Variants in POU6F2 observed in about 807,000 individuals in gnomAD.
POU6F2 encodes the protein POU domain, class 6, transcription factor 2.
Under a neutral mutation model 71.3 loss-of-function variants are expected in POU6F2, and 31 were observed. That is an observed-to-expected ratio of 0.43 (90% CI 0.33 to 0.59). The LOEUF is 0.59. Among genes scored for constraint, POU6F2 ranks in the 20% least tolerant of loss-of-function variants. POU6F2 has a pLI of 0.04. For missense variants in POU6F2, 783 were observed against 856.8 expected (o/e 0.91, Z 1.07); for synonymous variants, 347 against 355.7 (o/e 0.98, Z 0.27).
intron 2 of POU6F2, among the ~76,000 whole-genome samples, chr7:39,099,890 G>A (rs550279027): frequency 6.6e-6 from 1 of 152,276 alleles, no homozygotes; most frequent in East Asian, 1.9e-4. Flanking sequence ...TTAATGATCA[G>A]CAGGGGCTCT....
intron 1 of POU6F2, among the ~76,000 whole-genome samples, chr7:38,992,726 G>T (rs1788636889): frequency 6.6e-6 from 1 of 152,084 alleles, no homozygotes; most frequent in Admixed American, 6.6e-5. Flanking sequence ...AAACAAATCT[G>T]AACTAACGCT....
At chr7:39,226,603 C>T (rs1794464613) in intron 4 of POU6F2, among the ~76,000 whole-genome samples, 1 of 152,116 alleles carries the variant, frequency 6.6e-6, no homozygotes. Flanking sequence ...CACTTTAAAC[C>T]ATTTTTTTGT....
chr7:39,327,752 C>CA (rs754680288), intron 4 of POU6F2, among the ~76,000 whole-genome samples: 6 of 151,274 alleles, frequency 4.0e-5, no homozygotes, highest in Non-Finnish European at 8.8e-5. Flanking sequence ...ATTTGTAAAA[C>CA]AGTCATGTCT....
chr7:39,211,641 A>G (rs936689353), intron 4 of POU6F2, among the ~76,000 whole-genome samples: 1 of 152,184 alleles, frequency 6.6e-6, no homozygotes, highest in African/African-American at 2.4e-5. Flanking sequence ...TTGTAAGAAG[A>G]TACACAGTTG....
At position 39,451,619 on chromosome 7, in the gene POU6F2, T is replaced by C; in HGVS notation, c.1407T>C (p.Ser469=). ...TGGCTCACAGCCAAGCATCCATGTC[T>C]CAAAGTCCCGTCCGGCAGGCTTCCT... ...LHLAHSQASM[S]QSPVRQASSS... Residue 469 remains serine (S), a synonymous_variant, in exon 8 of 10, where the codon TCT becomes TCC. Transcript: ENST00000518318. 1 of 1,613,716 alleles carries C rather than the reference T, an allele frequency of 6.2e-7. No homozygotes were observed. Among genetic ancestry groups the C allele is most frequent in the Non-Finnish European group, 8.5e-7 (1 of 1,179,798 alleles).
At chr7:39,111,193 G>A (rs1791805523) in intron 2 of POU6F2, among the ~76,000 whole-genome samples, 1 of 152,062 alleles carries the variant, frequency 6.6e-6, no homozygotes, top group African/African-American at 2.4e-5. Context: ...CTGCTACTTT[G>A]GTTCCAACAT....
intron 2 of POU6F2, among the ~76,000 whole-genome samples, chr7:39,189,473 A>G (rs1793615513): frequency 6.6e-6 from 1 of 152,150 alleles, no homozygotes; most frequent in Non-Finnish European, 1.5e-5. Context: ...ATCTCTGCTC[A>G]CTGCAACCTC....
At chr7:39,020,503 T>C (rs191864023) in intron 1 of POU6F2, among the ~76,000 whole-genome samples, 2 of 152,294 alleles carry the variant, frequency 1.3e-5, no homozygotes, top group Admixed American at 1.3e-4. Flanking sequence ...GAGATGGTCA[T>C]TGCATTGCAG....
chr7:39,150,225 C>CTCTGTG (rs1554325538), intron 2 of POU6F2, among the ~76,000 whole-genome samples: 4 of 141,244 alleles, frequency 2.8e-5, no homozygotes, highest in African/African-American at 1.1e-4. Context: ...AGTAATATGT[C>CTCTGTG]TGTGTGTGTG....
At chr7:39,187,914 G>A (rs547209345) in intron 2 of POU6F2, among the ~76,000 whole-genome samples, 12 of 152,270 alleles carry the variant, frequency 7.9e-5, no homozygotes, top group African/African-American at 2.9e-4. Flanking sequence ...TTAGCCATAT[G>A]AGTCTTTGAT....
At chr7:39,335,137 A>G (rs576132537) in intron 4 of POU6F2, among the ~76,000 whole-genome samples, 17 of 152,296 alleles carry the variant, frequency 1.1e-4, no homozygotes, top group African/African-American at 4.1e-4. Context: ...AAGGTAAACT[A>G]GTGGTATGAA....
intron 3 of POU6F2, 21 bp from the exon 4 acceptor site, chr7:39,207,371 G>C: frequency 6.2e-7 from 1 of 1,610,642 alleles, no homozygotes; most frequent in African/African-American, 1.3e-5. Context: ...AAGTGAGCTA[G>C]CTGTATCTGT....
chr7:39,460,637 TTGGCC>T lies in POU6F2; in HGVS notation c.1583_1587del (p.Gly528AspfsTer45). On this transcript the variant is annotated frameshift_variant, in exon 9 of 10. Coordinates refer to ENST00000518318, the MANE Select transcript of POU6F2 (RefSeq NM_001370959.1). LOFTEE classifies it high-confidence loss of function. The surrounding 1 kb of genome is among the most constrained non-coding windows in gnomAD (Gnocchi z 4.4). ...GCTTTTAAAATCCGGCGCCTGTCCC[TTGGCC>T]TGACCCAGACTCAGGTGGGACAGGC... The T allele has an allele frequency of 6.2e-7, 1 of 1,609,882 alleles. No homozygotes were observed. The highest frequency in any genetic ancestry group is 8.5e-7 in the Non-Finnish European group (1 of 1,178,056).
intron 2 of POU6F2, among the ~76,000 whole-genome samples, chr7:39,106,038 G>T (rs113972802): frequency 0.015 from 2,299 of 152,248 alleles, 56 homozygotes; most frequent in African/African-American, 0.051. Flanking sequence ...AATATGAAAT[G>T]CCAGTCTGCA....
intron 1 of POU6F2, among the ~76,000 whole-genome samples, chr7:38,993,091 T>G (rs1403315510): frequency 6.6e-6 from 1 of 152,148 alleles, no homozygotes; most frequent in African/African-American, 2.4e-5. Flanking sequence ...GTAAGTAAAG[T>G]TATGTTAATG....
rs190202145 is a variant in POU6F2, at chr7:39,096,792, G to A, written c.277+10761G>A. Among the ~76,000 whole-genome samples, 7 of 152,310 alleles carry A rather than the reference G, an allele frequency of 4.6e-5. No individual in the cohort carries two copies. In the East Asian group the frequency reaches 9.6e-4, roughly 21 times the overall value. On this transcript the variant is annotated intron_variant, in intron 2 of 9. Coordinates refer to ENST00000518318, the MANE Select transcript of POU6F2 (RefSeq NM_001370959.1). ...ATTTAAAAATAGATGGCTGAAAGCC[G>A]AAATGGTTTGTTTTAATGTGGCTAT...
chr7:39,154,616 G>A lies in POU6F2; in HGVS notation c.278-49619G>A, dbSNP rs138820496. Among the ~76,000 whole-genome samples, 5 of 152,218 alleles carry A rather than the reference G, an allele frequency of 3.3e-5. No individual in the cohort carries two copies. In the South Asian group the frequency reaches 6.2e-4, roughly 19 times the overall value. On this transcript the variant is annotated intron_variant, in intron 2 of 9. Coordinates refer to ENST00000518318, the MANE Select transcript of POU6F2 (RefSeq NM_001370959.1). ...ATTAATTGGATTAGAAATTGCAACC[G>A]CAGGTAGAACCACTTTCTAGGGTTG...
intron 2 of POU6F2, among the ~76,000 whole-genome samples, chr7:39,150,613 C>T (rs1792737362): frequency 6.6e-6 from 1 of 151,390 alleles, no homozygotes; most frequent in East Asian, 1.9e-4. Context: ...ATTACAGGCG[C>T]CCACCACCAT....
intron 4 of POU6F2, among the ~76,000 whole-genome samples, chr7:39,302,722 G>A (rs558036177): frequency 1.8e-4 from 27 of 152,316 alleles, no homozygotes; most frequent in Admixed American, 1.1e-3. Context: ...AGCAATATGC[G>A]TAACCACATC....
Sources: gnomAD v4.1 joint callset for allele counts (sites outside exome capture counted in the v4.1 genomes callset) on GRCh38, gnomAD v4.1.1 for gene constraint, Gnocchi (gnomAD v3.1) non-coding constraint, MANE v1.5 for transcripts, NCBI Gene and HGNC (gene_info 2026-07-23, HGNC 2026-07-21) for gene names.